Variants in RDH12 observed in about 807,000 individuals in gnomAD.
RDH12 encodes all-trans and 9-cis retinol dehydrogenase.
In RDH12, 21 loss-of-function variants were observed where a neutral mutation model predicts 34.0. That is an observed-to-expected ratio of 0.62 (90% CI 0.44 to 0.89). The LOEUF is 0.89. Ranked by LOEUF, RDH12 falls within the 40% of genes least tolerant of loss-of-function variation. The pLI is 0.00. For synonymous variants in RDH12, 198 were observed against 169.9 expected (o/e 1.17, Z -1.29); for missense variants, 394 against 398.6 (o/e 0.99, Z 0.10).
At position 67,733,273 on chromosome 14, in the gene RDH12, C is replaced by G. The variant is rs1594870120; in HGVS notation, c.849-473C>G. Among the ~76,000 whole-genome samples, 3 of 152,244 alleles carry G rather than the reference C, an allele frequency of 2.0e-5. No homozygotes were observed. In the South Asian group the frequency reaches 6.2e-4, roughly 32 times the overall value. On this transcript the variant is annotated intron_variant, in intron 8 of 8. Transcript: ENST00000551171. The stretch of plus-strand genomic sequence containing the variant: ...TCATGGTATGCAAGTGCATCTGTCC[C>G]CAGAATTCAAGAGGCCTGTGAACTT...
At chr14:67,721,208 G>T (rs2038119698) in intron 2 of RDH12, among the ~76,000 whole-genome samples, 1 of 152,124 alleles carries the variant, frequency 6.6e-6, no homozygotes, top group Non-Finnish European at 1.5e-5. Context: ...TATTCCTGGG[G>T]TCCTGTCCCA....
chr14:67,714,156 G>A (rs1181158034), intron 1 of RDH12, among the ~76,000 whole-genome samples: 7 of 152,130 alleles, frequency 4.6e-5, no homozygotes, highest in Non-Finnish European at 1.0e-4. Context: ...TTACTTTTGA[G>A]ACAGGGTCTT....
intron 1 of RDH12, among the ~76,000 whole-genome samples, chr14:67,716,146 G>T (rs2038067459): frequency 6.7e-6 from 1 of 150,284 alleles, no homozygotes; most frequent in Admixed American, 6.7e-5. Flanking sequence ...GCAGTGGGCC[G>T]AGATCACGCC....
intron 3 of RDH12, 146 bp downstream of exon 3, chr14:67,722,856 G>A: frequency 5.2e-6 from 4 of 768,906 alleles, no homozygotes; most frequent in Non-Finnish European, 6.8e-6. Flanking sequence ...GGGGTGTTGT[G>A]GATACCATGG....
At chr14:67,716,773 A>G (rs1231179244) in intron 1 of RDH12, among the ~76,000 whole-genome samples, 1 of 151,886 alleles carries the variant, frequency 6.6e-6, no homozygotes, top group Non-Finnish European at 1.5e-5. Flanking sequence ...GGGTCCAGCT[A>G]TTCAGGAGGC....
chr14:67,702,017 A>G (rs1226129353), intron 1 of RDH12, 82 bp downstream of exon 1: 1 of 152,050 alleles, frequency 6.6e-6, no homozygotes, highest in African/African-American at 2.4e-5. Context: ...GTGTCTCACT[A>G]TGTTGCTTAG....
chr14:67,704,774 T>A (rs944281530), intron 1 of RDH12, among the ~76,000 whole-genome samples: 1 of 152,230 alleles, frequency 6.6e-6, no homozygotes, highest in African/African-American at 2.4e-5. Context: ...GCCCTTATCT[T>A]GAATTCATAG....
chr14:67,729,220 C>A lies in RDH12; in HGVS notation c.688C>A (p.Pro230Thr). Reference sequence around the variant, plus strand: ...CGGGGTCACCACCTACGCAGTGCACCCAGGCGTCGTCCGCTCTGAGCTGGT... The same window carrying A: ...CGGGGTCACCACCTACGCAGTGCACACAGGCGTCGTCCGCTCTGAGCTGGT... The part of the protein sequence containing the change: ...GTGVTTYAVH[P>T]GVVRSELVRH... Residue 230 changes from proline (P) to threonine (T), a missense_variant, in exon 8 of 9, where the codon CCA (proline) becomes ACA (threonine). Coordinates refer to ENST00000551171, the MANE Select transcript of RDH12 (RefSeq NM_152443.3). 1 of 1,612,148 alleles carries A rather than the reference C, an allele frequency of 6.2e-7. No individual in the cohort carries two copies.
At chr14:67,732,488 G>A (rs747936731) in intron 8 of RDH12, among the ~76,000 whole-genome samples, 2 of 137,472 alleles carry the variant, frequency 1.5e-5, no homozygotes, top group Non-Finnish European at 3.1e-5. Context: ...TTTTATGTAA[G>A]AGAGAAAGAG....
intron 7 of RDH12, among the ~76,000 whole-genome samples, chr14:67,728,372 A>C (rs1019494394): frequency 3.9e-5 from 6 of 152,196 alleles, no homozygotes; most frequent in Non-Finnish European, 8.8e-5. Flanking sequence ...CCCCACTCTA[A>C]ATATGAAAAG....
chr14:67,729,959 T>A, intron 8 of RDH12: 1 of 378,948 alleles, frequency 2.6e-6, no homozygotes, highest in Non-Finnish European at 5.1e-6. Context: ...GTCTGCTCTG[T>A]TGTCCCGCTT....
At chr14:67,729,657 T>TGTTG in intron 8 of RDH12, 1 of 596,682 alleles carries the variant, frequency 1.7e-6, no homozygotes, top group Non-Finnish European at 3.1e-6. Flanking sequence ...AGACTGTCGC[T>TGTTG]GTTGGTTATG....
rs1453528701 is a variant in RDH12 at position 67,726,977 on chromosome 14, A to G, written c.449-4A>G. The G allele has an allele frequency of 1.2e-6, 2 of 1,611,984 alleles. No individual in the cohort carries two copies. Among genetic ancestry groups the G allele is most frequent in the Non-Finnish European group, 1.7e-6 (2 of 1,179,822 alleles). The stretch of plus-strand genomic sequence containing the variant: ...TCAATCTTCCCTGCTGGCTCTCCTC[A>G]CAGGCCACTTCCTCCTCACCTACCT... On this transcript the variant is annotated splice_polypyrimidine_tract_variant and splice_region_variant and intron_variant, in intron 6 of 8. Transcript: ENST00000551171.
Position 67,722,672 on chromosome 14 carries a change from C to A in RDH12, c.30C>A (p.Ser10=). The change falls in exon 3 of 9, where the codon TCC becomes TCA. Residue 10 remains serine (S), a synonymous_variant. Transcript: ENST00000551171. ...TGGTCACCTTGGGACTGCTCACCTC[C>A]TTCTTCTCGTTCCTGTATATGGTAG... MLVTLGLLT[S]FFSFLYMVAP... The A allele has an allele frequency of 1.2e-6, 2 of 1,613,984 alleles. No homozygotes were observed. Among genetic ancestry groups the A allele is most frequent in the Non-Finnish European group, 1.7e-6 (2 of 1,179,858 alleles).
At chr14:67,724,733 A>T (rs2038165226) in intron 4 of RDH12, 142 bp downstream of exon 4, 1 of 723,512 alleles carries the variant, frequency 1.4e-6, no homozygotes, top group Non-Finnish European at 2.5e-6. Context: ...TTCAAGTCCA[A>T]CTGTGACACC....
At chr14:67,706,625 G>C (rs2037953168) in intron 1 of RDH12, among the ~76,000 whole-genome samples, 1 of 152,212 alleles carries the variant, frequency 6.6e-6, no homozygotes, top group Non-Finnish European at 1.5e-5. Flanking sequence ...GAGGCAATCA[G>C]ATACGCATTT....
intron 1 of RDH12, among the ~76,000 whole-genome samples, chr14:67,715,690 A>G (rs901169416): frequency 5.9e-5 from 9 of 152,312 alleles, no homozygotes; most frequent in African/African-American, 2.2e-4. Context: ...CTCACCATTT[A>G]CTTCTATTGG....
At chr14:67,722,310 G>T in intron 2 of RDH12, 114 bp from the exon 3 acceptor site, 1 of 425,488 alleles carries the variant, frequency 2.4e-6, no homozygotes, top group South Asian at 2.3e-5. Flanking sequence ...TCCTAGAGAA[G>T]AGAAACAATT....
intron 1 of RDH12, among the ~76,000 whole-genome samples, chr14:67,707,832 C>G (rs1038445108): frequency 6.6e-6 from 1 of 152,122 alleles, no homozygotes; most frequent in Non-Finnish European, 1.5e-5. Context: ...CTGGGCCTGT[C>G]AGAAAGTGAC....
Sources: gnomAD v4.1 joint callset for allele counts (sites outside exome capture counted in the v4.1 genomes callset) on GRCh38, gnomAD v4.1.1 for gene constraint, MANE v1.5 for transcripts, NCBI Gene and HGNC (gene_info 2026-07-23, HGNC 2026-07-21) for gene names.